MDGA2: variants seen among roughly 807,000 people sequenced by gnomAD.
MDGA2 encodes MAM domain-containing glycosylphosphatidylinositol anchor protein 2.
MDGA2 carries 40 observed loss-of-function variants against 117.8 expected under a neutral mutation model. The ratio of observed to expected loss-of-function variants is 0.34; its 90% CI spans 0.26 to 0.44. The LOEUF is 0.44. MDGA2 is among the 20% of genes least tolerant of loss of function. MDGA2 has a pLI of 1.00. For missense variants in MDGA2, 1,123 were observed against 1,250.6 expected (o/e 0.90, Z 1.54); for synonymous variants, 452 against 439.0 (o/e 1.03, Z -0.37).
At chr14:47,029,495 T>C (rs966546652) in intron 8 of MDGA2, among the ~76,000 whole-genome samples, 5 of 152,308 alleles carry the variant, frequency 3.3e-5, no homozygotes, top group Admixed American at 6.5e-5. Context: ...TTTATACCGC[T>C]TAACAGAAAT....
intron 8 of MDGA2, among the ~76,000 whole-genome samples, chr14:46,984,389 A>G (rs900853186): frequency 8.6e-5 from 13 of 151,890 alleles, no homozygotes; most frequent in African/African-American, 2.7e-4. Context: ...GAGTGTTTCA[A>G]TTATATTTTG....
At chr14:47,484,902 T>C (rs1894027251) in intron 1 of MDGA2, among the ~76,000 whole-genome samples, 1 of 152,172 alleles carries the variant, frequency 6.6e-6, no homozygotes, top group Non-Finnish European at 1.5e-5. Flanking sequence ...CATGTGGAAC[T>C]GTCAGTCCAA....
At chr14:47,029,482 T>C (rs888228812) in intron 8 of MDGA2, among the ~76,000 whole-genome samples, 4 of 152,208 alleles carry the variant, frequency 2.6e-5, no homozygotes, top group African/African-American at 9.6e-5. Flanking sequence ...TTTTAGTATA[T>C]ATTTTATACC....
chr14:47,138,664 A>G (rs1380657464), intron 4 of MDGA2, among the ~76,000 whole-genome samples: 1 of 152,112 alleles, frequency 6.6e-6, no homozygotes, highest in Non-Finnish European at 1.5e-5. Context: ...TTTCCATATT[A>G]CTTATAAAAT....
chr14:47,230,567 C>T (rs899782815), intron 2 of MDGA2, among the ~76,000 whole-genome samples: 16 of 151,928 alleles, frequency 1.1e-4, no homozygotes, highest in Admixed American at 6.6e-4. Context: ...CAATTCCTAT[C>T]GGTACATTTT....
At chr14:47,237,126 T>A (rs896955819) in intron 2 of MDGA2, among the ~76,000 whole-genome samples, 6 of 152,196 alleles carry the variant, frequency 3.9e-5, no homozygotes, top group Non-Finnish European at 8.8e-5. Context: ...TTCAGATTAA[T>A]AATGCCAGAG....
chr14:47,235,246 G>T (rs1886819774), intron 2 of MDGA2, among the ~76,000 whole-genome samples: 1 of 151,878 alleles, frequency 6.6e-6, no homozygotes, highest in African/African-American at 2.4e-5. Context: ...ATGATTCTTT[G>T]GTTCAATCAT....
chr14:47,376,976 G>C (rs1460613932), intron 1 of MDGA2, among the ~76,000 whole-genome samples: 1 of 152,058 alleles, frequency 6.6e-6, no homozygotes, highest in Non-Finnish European at 1.5e-5. Flanking sequence ...AAAAAATAAA[G>C]AACTTGTTAA....
chr14:47,566,347 G>C (rs1263732656), intron 1 of MDGA2, among the ~76,000 whole-genome samples: 2 of 152,164 alleles, frequency 1.3e-5, no homozygotes, highest in Non-Finnish European at 2.9e-5. Flanking sequence ...TCCCAGGAGA[G>C]GTCAGCAGAC....
At chr14:46,899,898 AG>A in intron 10 of MDGA2, among the ~76,000 whole-genome samples, 1 of 152,254 alleles carries the variant, frequency 6.6e-6, no homozygotes, top group Admixed American at 6.5e-5. Context: ...GTATCAGTAT[AG>A]TTTAAAAATT....
chr14:47,488,988 T>C (rs980530761), intron 1 of MDGA2, among the ~76,000 whole-genome samples: 8 of 151,990 alleles, frequency 5.3e-5, no homozygotes, highest in Non-Finnish European at 1.0e-4. Flanking sequence ...ATAATTAAAA[T>C]TAAACAACAT....
At chr14:47,527,404 G>A (rs560886777) in intron 1 of MDGA2, among the ~76,000 whole-genome samples, 2 of 152,206 alleles carry the variant, frequency 1.3e-5, no homozygotes, top group South Asian at 4.2e-4. Flanking sequence ...GAGGATGGAA[G>A]GAGTAGAAAA....
At chr14:47,459,614 C>T (rs1368345996) in intron 1 of MDGA2, among the ~76,000 whole-genome samples, 2 of 150,496 alleles carry the variant, frequency 1.3e-5, no homozygotes, top group Non-Finnish European at 3.0e-5. Context: ...CTCCTTTGTG[C>T]AGGTGTGGGT....
At chr14:46,963,781 C>T (rs1164555416) in intron 8 of MDGA2, among the ~76,000 whole-genome samples, 1 of 152,162 alleles carries the variant, frequency 6.6e-6, no homozygotes, top group Non-Finnish European at 1.5e-5. Context: ...AGCTCCATTA[C>T]AAAGGGACCT....
chr14:47,419,701 T>C (rs1386456234), intron 1 of MDGA2, among the ~76,000 whole-genome samples: 1 of 152,030 alleles, frequency 6.6e-6, no homozygotes, highest in Non-Finnish European at 1.5e-5. Context: ...ATATACTATA[T>C]CTCTGAATAT....
intron 1 of MDGA2, among the ~76,000 whole-genome samples, chr14:47,382,185 C>G (rs999136468): frequency 6.6e-6 from 1 of 152,128 alleles, no homozygotes; most frequent in Non-Finnish European, 1.5e-5. Context: ...CTTCCTTACA[C>G]CTTATACAAA....
At chr14:47,518,356 T>G (rs765370347) in intron 1 of MDGA2, among the ~76,000 whole-genome samples, 1 of 152,156 alleles carries the variant, frequency 6.6e-6, no homozygotes, top group Non-Finnish European at 1.5e-5. Flanking sequence ...TATATAGAGA[T>G]AAATAATTTC....
intron 8 of MDGA2, among the ~76,000 whole-genome samples, chr14:47,014,033 G>A (rs1165490368): frequency 6.6e-6 from 1 of 151,720 alleles, no homozygotes; most frequent in Non-Finnish European, 1.5e-5. Context: ...GACCTCAGGT[G>A]ATCTGCCCAC....
chr14:47,401,322 T>G (rs1229047822), intron 1 of MDGA2, among the ~76,000 whole-genome samples: 1 of 151,848 alleles, frequency 6.6e-6, no homozygotes, highest in Non-Finnish European at 1.5e-5. Context: ...GACAGGAAAA[T>G]GTATAATTAA....
Sources: allele counts gnomAD v4.1 joint callset (sites outside exome capture counted in the v4.1 genomes callset), GRCh38; gene constraint gnomAD v4.1.1; transcripts MANE v1.5; gene names NCBI Gene and HGNC (gene_info 2026-07-23, HGNC 2026-07-21).